MAN2A1: variants seen among roughly 807,000 people sequenced by gnomAD.
The protein encoded by MAN2A1 is alpha-mannosidase 2.
In MAN2A1, 76 loss-of-function variants were observed where a neutral mutation model predicts 142.6. The observed-to-expected ratio is 0.53, with a 90% CI of 0.44 to 0.65. The LOEUF (loss-of-function observed/expected upper bound fraction) is 0.65. Among genes scored for constraint, MAN2A1 ranks in the 30% least tolerant of loss-of-function variants. MAN2A1 has a pLI of 0.00. For missense variants in MAN2A1, 1,311 were observed against 1,365.1 expected, an observed-to-expected ratio of 0.96 and a Z score of 0.62; for synonymous variants, 559 against 473.2, an observed-to-expected ratio of 1.18 and a Z score of -2.35.
At chr5:109,790,469 A>G (rs1435840291) in intron 12 of MAN2A1, among the ~76,000 whole-genome samples, 3 of 151,942 alleles carry the variant, frequency 2.0e-5, no homozygotes, top group Non-Finnish European at 4.4e-5. Context: ...GAACGAGATA[A>G]TAAGTTTTTT....
chr5:109,706,745 T>A (rs1751144263), intron 1 of MAN2A1, among the ~76,000 whole-genome samples: 2 of 151,942 alleles, frequency 1.3e-5, no homozygotes, highest in Non-Finnish European at 2.9e-5. Flanking sequence ...ACAATTAGAT[T>A]TGAAGGAAAA....
At chr5:109,832,161 C>CTTTTTTTT (rs70999945) in intron 16 of MAN2A1, among the ~76,000 whole-genome samples, 12 of 51,214 alleles carry the variant, frequency 2.3e-4, no homozygotes, top group South Asian at 1.0e-3. Context: ...AAGGAGTTTT[C>CTTTTTTTT]TTTTTTTTTT....
intron 1 of MAN2A1, among the ~76,000 whole-genome samples, chr5:109,709,959 C>T (rs993007648): frequency 1.1e-4 from 16 of 152,286 alleles, no homozygotes; most frequent in Non-Finnish European, 1.9e-4. Flanking sequence ...ATGCAGACTA[C>T]AAGTGCATCC....
chr5:109,860,165 T>C (rs1295584917), intron 20 of MAN2A1, among the ~76,000 whole-genome samples: 1 of 152,034 alleles, frequency 6.6e-6, no homozygotes, highest in Non-Finnish European at 1.5e-5. Flanking sequence ...GCTTTATTGA[T>C]CTCCCTAGCT....
intron 1 of MAN2A1, among the ~76,000 whole-genome samples, chr5:109,696,286 A>G (rs1171123159): frequency 6.6e-6 from 1 of 151,990 alleles, no homozygotes; most frequent in Admixed American, 6.6e-5. Flanking sequence ...TTTTTAGTAG[A>G]GACGGGGTTT....
chr5:109,846,294 C>T (rs1755342997), intron 18 of MAN2A1, among the ~76,000 whole-genome samples: 1 of 152,196 alleles, frequency 6.6e-6, no homozygotes, highest in Middle Eastern at 3.2e-3. Context: ...TTGCAGAGGT[C>T]TCCATCATCA....
At chr5:109,790,330 G>A (rs538187857) in intron 12 of MAN2A1, among the ~76,000 whole-genome samples, 5 of 151,804 alleles carry the variant, frequency 3.3e-5, no homozygotes, top group African/African-American at 1.2e-4. Context: ...AAAAATAAAT[G>A]GAATGAATGT....
chr5:109,764,232 C>T (rs983935295), intron 5 of MAN2A1, among the ~76,000 whole-genome samples: 1 of 152,108 alleles, frequency 6.6e-6, no homozygotes, highest in South Asian at 2.1e-4. Context: ...AGGTACTATT[C>T]GTATTACTAA....
intron 12 of MAN2A1, among the ~76,000 whole-genome samples, chr5:109,792,609 GT>G (rs1753763533): frequency 6.6e-6 from 1 of 152,076 alleles, no homozygotes; most frequent in South Asian, 2.1e-4. Context: ...AAAACTTAAT[GT>G]CTTAAATACA....
chr5:109,710,090 AATG>A (rs1751252870), intron 1 of MAN2A1, among the ~76,000 whole-genome samples: 1 of 152,176 alleles, frequency 6.6e-6, no homozygotes, highest in Admixed American at 6.5e-5. Flanking sequence ...TAATTTTAAA[AATG>A]ATGTTCTTTA....
chr5:109,746,645 A>T (rs1752415027), intron 4 of MAN2A1, among the ~76,000 whole-genome samples: 2 of 139,964 alleles, frequency 1.4e-5, no homozygotes. Context: ...TTACTATTTT[A>T]ACAATTTTTA....
At position 109,865,107 on chromosome 5, in the gene MAN2A1, C is replaced by T; in HGVS notation, c.3243C>T (p.Ser1081=). ...AAGGGTTTGATTGTCGGTTCTCTAG[C>T]AAAGGCACAGGGCTGTTTTGTTCTA... ...HRKGFDCRFS[S]KGTGLFCSTT... is the part of the protein sequence containing the mutation. The change falls in exon 21 of 22, where the codon AGC becomes AGT. Residue 1081 remains serine, a synonymous_variant. Transcript: ENST00000261483. 6.2e-7 allele frequency: 1 copy of T among 1,614,042 alleles called. No individual in the cohort carries two copies. The highest frequency in any genetic ancestry group is 1.1e-5 in the South Asian group (1 of 91,080).
intron 4 of MAN2A1, among the ~76,000 whole-genome samples, chr5:109,743,205 T>TTCCC (rs1211534448): frequency 6.6e-6 from 1 of 152,192 alleles, no homozygotes; most frequent in African/African-American, 2.4e-5. Flanking sequence ...TTCTGCTTAC[T>TTCCC]TCCCCAATGT....
At chr5:109,708,569 AT>A (rs201398360) in intron 1 of MAN2A1, among the ~76,000 whole-genome samples, 2,702 of 119,362 alleles carry the variant, frequency 0.023, 38 homozygotes, top group Middle Eastern at 0.076. Flanking sequence ...TATTAGGAGA[AT>A]TGGCTTATTT....
Position 109,855,450 on chromosome 5 carries a change from A to C in MAN2A1, c.3171+116A>C, listed in dbSNP as rs1225479086. ...TTTACTATGCTTTGAGGAATTATTA[A>C]CAGGGCTTCACCTTTAGCCAAAAGC... On this transcript the variant is annotated intron_variant, in intron 20 of 21. Coordinates refer to ENST00000261483, the MANE Select transcript of MAN2A1 (RefSeq NM_002372.4). 3 of 607,070 alleles carry C rather than the reference A, an allele frequency of 4.9e-6. No individual in the cohort carries two copies. In the East Asian group the frequency reaches 1.0e-4, roughly 20 times the overall value. 37.6% of individuals were successfully genotyped at this position (607,070 alleles called of 1,614,324 possible).
At chr5:109,808,148 G>A (rs564601639) in intron 12 of MAN2A1, among the ~76,000 whole-genome samples, 1 of 152,196 alleles carries the variant, frequency 6.6e-6, no homozygotes, top group South Asian at 2.1e-4. Context: ...GTAGTGGCCT[G>A]TATATCTTGA....
intron 4 of MAN2A1, among the ~76,000 whole-genome samples, chr5:109,735,997 A>G (rs1176330860): frequency 9.2e-5 from 14 of 151,532 alleles, no homozygotes; most frequent in African/African-American, 3.4e-4. Context: ...CCTCATCCAA[A>G]GGGGCTAGCC....
At position 109,767,686 on chromosome 5, in the gene MAN2A1, G is replaced by GT. The variant is rs1418538270; in HGVS notation, c.994dup (p.Trp332LeufsTer24). On this transcript the variant is annotated frameshift_variant, in exon 6 of 22. Coordinates refer to ENST00000261483, the MANE Select transcript of MAN2A1 (RefSeq NM_002372.4). LOFTEE classifies it high-confidence loss of function. ...ACTTTGCACTGCATAAAACATTGGA[G>GT]TTTTTTTGGAGACAGAATTGGGGTA... 1 of 1,612,356 alleles carries GT rather than the reference G, an allele frequency of 6.2e-7. No individual in the cohort carries two copies. Among genetic ancestry groups the GT allele is most frequent in the Non-Finnish European group, 8.5e-7 (1 of 1,179,444 alleles).
chr5:109,815,419 A>G lies in MAN2A1; in HGVS notation c.1944-1854A>G, dbSNP rs952274922. On this transcript the variant is annotated intron_variant, in intron 12 of 21. Coordinates refer to ENST00000261483, the MANE Select transcript of MAN2A1 (RefSeq NM_002372.4). ...GCTCTTTGTAAATATGTTTGTGACT[A>G]TGTGGTTTCATCTGTTCATCTCTTG... Among the ~76,000 whole-genome samples, 4 of 152,120 alleles carry G rather than the reference A, an allele frequency of 2.6e-5. No individual in the cohort carries two copies. The East Asian group carries it at 5.8e-4, about 22-fold the overall frequency.
Sources: gnomAD v4.1 joint callset for allele counts (sites outside exome capture counted in the v4.1 genomes callset) on GRCh38, gnomAD v4.1.1 for gene constraint, MANE v1.5 for transcripts, NCBI Gene and HGNC (gene_info 2026-07-23, HGNC 2026-07-21) for gene names.